TTC28: variants seen among roughly 807,000 people sequenced by gnomAD.
TTC28 encodes the protein tetratricopeptide repeat protein 28.
A neutral mutation model predicts 198.0 loss-of-function variants in TTC28; 61 were observed. The ratio of observed to expected loss-of-function variants is 0.31; its 90% CI spans 0.25 to 0.38. The LOEUF is 0.38. Among genes scored for constraint, TTC28 ranks in the 10% least tolerant of loss-of-function variants. TTC28 has a pLI of 1.00. For synonymous variants in TTC28, 1,171 were observed against 1,297.8 expected, an observed-to-expected ratio of 0.90 and a Z score of 2.10; for missense variants, 2,678 against 3,164.0, an observed-to-expected ratio of 0.85 and a Z score of 3.69.
intron 2 of TTC28, among the ~76,000 whole-genome samples, chr22:28,482,944 A>G (rs993751075): frequency 6.6e-6 from 1 of 152,178 alleles, no homozygotes; most frequent in South Asian, 2.1e-4. Context: ...CATTATAGGT[A>G]TATACCACAA....
chr22:28,629,786 A>G lies in TTC28; in HGVS notation c.147T>C (p.Asp49=). The G allele has an allele frequency of 1.9e-6, 3 of 1,551,748 alleles. No individual in the cohort carries two copies. The highest frequency in any genetic ancestry group is 2.6e-6 in the Non-Finnish European group (3 of 1,147,000). Residue 49 remains aspartate (D), a synonymous_variant, in exon 2 of 23, where the codon GAT becomes GAC. Coordinates refer to ENST00000397906, the MANE Select transcript of TTC28 (RefSeq NM_001145418.2). The part of the protein sequence containing the change: ...GADTIGQRSP[D]GPVLSKAEFV... ...ATTCAGCTTTGCTCAGTACCGGTCC[A>G]TCAGGACTTCTCTGGCCAATAGTGT...
intron 3 of TTC28, among the ~76,000 whole-genome samples, chr22:28,301,215 C>T (rs1428165183): frequency 6.6e-6 from 1 of 152,162 alleles, no homozygotes; most frequent in Non-Finnish European, 1.5e-5. Context: ...ATTATTCTAA[C>T]TCCGATTTTA....
intron 5 of TTC28, among the ~76,000 whole-genome samples, chr22:28,172,138 C>T (rs1205445302): frequency 5.9e-5 from 9 of 152,086 alleles, no homozygotes; most frequent in Admixed American, 5.2e-4. Context: ...ACCCTCAAAG[C>T]GAAACATGCA....
chr22:28,361,466 T>C (rs2046158493), intron 2 of TTC28, among the ~76,000 whole-genome samples: 1 of 152,092 alleles, frequency 6.6e-6, no homozygotes. Context: ...TTCAGTTCTA[T>C]GAAGTCTGAG....
At chr22:28,215,609 GGT>G (rs922819817) in intron 5 of TTC28, among the ~76,000 whole-genome samples, 2 of 151,848 alleles carry the variant, frequency 1.3e-5, no homozygotes, top group African/African-American at 4.8e-5. Flanking sequence ...ATGCACACAT[GGT>G]GTGTGTGTGT....
chr22:28,497,277 C>T (rs1005485098), intron 2 of TTC28, among the ~76,000 whole-genome samples: 4 of 151,694 alleles, frequency 2.6e-5, no homozygotes, highest in Non-Finnish European at 5.9e-5. Context: ...TTTTACTGAA[C>T]GTATAAAAAG....
At chr22:28,469,779 A>T (rs181930238) in intron 2 of TTC28, among the ~76,000 whole-genome samples, 1 of 152,232 alleles carries the variant, frequency 6.6e-6, no homozygotes, top group Admixed American at 6.5e-5. Context: ...TTAATTTCAG[A>T]CTTTTGAGCT....
rs188924796 is a variant in TTC28, at chr22:28,501,686, C to A, written c.381+127866G>T. On this transcript the variant is annotated intron_variant, in intron 2 of 22. Coordinates refer to ENST00000397906, the MANE Select transcript of TTC28 (RefSeq NM_001145418.2). ...CATAAATATGTAAAATATTACATAT[C>A]AATGCAATTTTTAAAATTATGAATA... is the stretch of plus-strand genomic sequence containing the variant. 2.0e-3 allele frequency among the ~76,000 whole-genome samples: 297 copies of A among 152,166 alleles called. 1 individual carries two copies. Among genetic ancestry groups the A allele is most frequent in the African/African-American group, 7.0e-3 (290 of 41,528 alleles).
intron 2 of TTC28, among the ~76,000 whole-genome samples, chr22:28,398,740 AT>A (rs1373593889): frequency 1.3e-5 from 2 of 152,158 alleles, no homozygotes; most frequent in Admixed American, 6.5e-5. Context: ...TGACTATTTC[AT>A]TTTTCACTTT....
chr22:28,661,615 G>A (rs763021804), intron 1 of TTC28, among the ~76,000 whole-genome samples: 5 of 143,842 alleles, frequency 3.5e-5, no homozygotes, highest in Non-Finnish European at 6.1e-5. Flanking sequence ...AGATAGTTTT[G>A]TTTTTTTTTT....
chr22:28,430,811 C>T (rs1445939258), intron 2 of TTC28, among the ~76,000 whole-genome samples: 1 of 151,768 alleles, frequency 6.6e-6, no homozygotes, highest in Non-Finnish European at 1.5e-5. Context: ...ATCTTTGAGG[C>T]CAATCACCGT....
intron 3 of TTC28, among the ~76,000 whole-genome samples, chr22:28,304,971 ATTAT>A (rs112686882): frequency 0.041 from 6,069 of 147,894 alleles, 150 homozygotes; most frequent in East Asian, 0.054. Flanking sequence ...TTGTTTATTT[ATTAT>A]TTATTTATTT....
chr22:28,196,369 T>C (rs1434213936), intron 5 of TTC28, among the ~76,000 whole-genome samples: 2 of 152,148 alleles, frequency 1.3e-5, no homozygotes, highest in African/African-American at 2.4e-5. Flanking sequence ...ATTCAGGACA[T>C]AGGCATGGCC....
chr22:28,107,564 C>G lies in TTC28; in HGVS notation c.2281G>C (p.Gly761Arg). 1.3e-6 allele frequency: 2 copies of G among 1,551,794 alleles called. No homozygotes were observed. Among genetic ancestry groups the G allele is most frequent in the Non-Finnish European group, 1.7e-6 (2 of 1,147,038 alleles). Residue 761 changes from glycine to arginine, a missense_variant, in exon 7 of 23, where the codon GGC (glycine) becomes CGC (arginine). By Grantham distance (125) the Gly-to-Arg change is moderately radical (BLOSUM62 -2). Transcript: ENST00000397906. ...TTCTGGATCATTCGGTATGCAGTGC[C>G]CAGGGCTGCATATGCACTGGCTTCT... ...RLEASAYAAL[G>R]TAYRMIQKYD...
intron 5 of TTC28, among the ~76,000 whole-genome samples, chr22:28,191,435 A>G (rs780030002): frequency 6.6e-6 from 1 of 152,218 alleles, no homozygotes; most frequent in Non-Finnish European, 1.5e-5. Flanking sequence ...AGTGTCGGAC[A>G]GTGGGTGCAG....
At chr22:28,401,211 C>T (rs557377803) in intron 2 of TTC28, among the ~76,000 whole-genome samples, 2 of 144,278 alleles carry the variant, frequency 1.4e-5, no homozygotes, top group African/African-American at 2.7e-5. Flanking sequence ...AGGAGGATGA[C>T]GATGACGATG....
intron 1 of TTC28, among the ~76,000 whole-genome samples, chr22:28,631,770 C>T (rs1672235583): frequency 6.6e-6 from 1 of 152,134 alleles, no homozygotes; most frequent in South Asian, 2.1e-4. Flanking sequence ...AAGCAATACT[C>T]CCGCCTTGGC....
At chr22:28,323,518 C>T (rs1420648047) in intron 2 of TTC28, among the ~76,000 whole-genome samples, 2 of 152,004 alleles carry the variant, frequency 1.3e-5, no homozygotes, top group South Asian at 2.1e-4. Flanking sequence ...CAGAATTGAT[C>T]AAGTAGAGGA....
intron 9 of TTC28, 29 bp from the exon 10 acceptor site, chr22:28,099,073 A>G (rs778276994): frequency 5.8e-6 from 9 of 1,551,252 alleles, no homozygotes; most frequent in South Asian, 1.2e-5. Context: ...AACATCATCC[A>G]TTCCCCAGAA....
Sources: gnomAD v4.1 joint callset for allele counts (sites outside exome capture counted in the v4.1 genomes callset) on GRCh38, gnomAD v4.1.1 for gene constraint, MANE v1.5 for transcripts, NCBI Gene and HGNC (gene_info 2026-07-23, HGNC 2026-07-21) for gene names.